The following JARID2 variants were observed in gnomAD, a reference collection of about 807,000 sequenced individuals.
JARID2 encodes jumonji and AT-rich interaction domain containing 2, also known as protein Jumonji.
JARID2 carries 21 observed loss-of-function variants against 125.6 expected under a neutral mutation model. That is an observed-to-expected ratio of 0.17 (90% confidence interval 0.12 to 0.24). The LOEUF is 0.24. JARID2 is among the 10% of genes least tolerant of loss of function. The pLI is 1.00. For synonymous variants in JARID2, 736 were observed against 661.6 expected (o/e 1.11, Z -1.73); for missense variants, 1,303 against 1,639.6 (o/e 0.79, Z 3.55).
intron 9 of JARID2, among the ~76,000 whole-genome samples, chr6:15,505,864 G>T (rs571531316): frequency 6.6e-6 from 1 of 152,376 alleles, no homozygotes; most frequent in African/African-American, 2.4e-5. Flanking sequence ...CGTTGCGTTT[G>T]TGGTAGAGAT....
chr6:15,301,453 G>C, intron 1 of JARID2, among the ~76,000 whole-genome samples: 1 of 151,964 alleles, frequency 6.6e-6, no homozygotes, highest in Non-Finnish European at 1.5e-5. Flanking sequence ...CCTCTCACCC[G>C]GGTTTCATCT....
intron 1 of JARID2, among the ~76,000 whole-genome samples, chr6:15,259,988 G>T (rs1478381180): frequency 1.3e-5 from 2 of 152,118 alleles, no homozygotes; most frequent in Non-Finnish European, 2.9e-5. Flanking sequence ...CAGTGTTTTT[G>T]CTTTTGGTTT....
chr6:15,272,759 G>T (rs1457644236), intron 1 of JARID2, among the ~76,000 whole-genome samples: 1 of 152,160 alleles, frequency 6.6e-6, no homozygotes, highest in African/African-American at 2.4e-5. Flanking sequence ...CACAATCTCT[G>T]TGCCTCAGTT....
At chr6:15,477,194 G>A (rs1769384954) in intron 5 of JARID2, among the ~76,000 whole-genome samples, 1 of 152,042 alleles carries the variant, frequency 6.6e-6, no homozygotes. Context: ...GTTGTGTAAG[G>A]GCCAAAAAGC....
chr6:15,503,278 G>A (rs2282819), intron 8 of JARID2, among the ~76,000 whole-genome samples: 37,781 of 152,158 alleles, frequency 0.25, 5,253 homozygotes, highest in East Asian at 0.43. Flanking sequence ...GCAGAATTCA[G>A]TCCCTCCTTT....
intron 5 of JARID2, among the ~76,000 whole-genome samples, chr6:15,475,174 A>T (rs1769280566): frequency 6.6e-6 from 1 of 152,268 alleles, no homozygotes; most frequent in African/African-American, 2.4e-5. Context: ...ATGGGATTTC[A>T]TTATGAGTAT....
At chr6:15,460,523 C>A (rs1389696754) in intron 4 of JARID2, among the ~76,000 whole-genome samples, 1 of 152,186 alleles carries the variant, frequency 6.6e-6, no homozygotes, top group Admixed American at 6.5e-5. Flanking sequence ...TGGCCAAGCA[C>A]CTTGCTGACT....
chr6:15,422,715 T>C (rs1766553559), intron 3 of JARID2, among the ~76,000 whole-genome samples: 1 of 152,222 alleles, frequency 6.6e-6, no homozygotes, highest in Non-Finnish European at 1.5e-5. Flanking sequence ...GTCTACACAA[T>C]AGATGAAGCT....
At chr6:15,248,903 G>A (rs1392245064) in intron 1 of JARID2, 1 of 985,178 alleles carries the variant, frequency 1.0e-6, no homozygotes, top group Non-Finnish European at 1.2e-6. Context: ...GTGGGAGGAG[G>A]AAGAGGAGGA....
At chr6:15,341,126 C>T (rs1763057019) in intron 1 of JARID2, among the ~76,000 whole-genome samples, 1 of 152,166 alleles carries the variant, frequency 6.6e-6, no homozygotes, top group Non-Finnish European at 1.5e-5. Flanking sequence ...TTCACTGTTA[C>T]ATAAAATTTT....
chr6:15,509,409 C>T, intron 12 of JARID2: 1 of 965,950 alleles, frequency 1.0e-6, no homozygotes, highest in South Asian at 4.8e-5. Flanking sequence ...TCGGCTGCAG[C>T]CTCCTCATTT....
chr6:15,331,584 G>T (rs529465439), intron 1 of JARID2, among the ~76,000 whole-genome samples: 2 of 152,138 alleles, frequency 1.3e-5, no homozygotes, highest in South Asian at 4.1e-4. Flanking sequence ...TACGGTGGGG[G>T]GCCGGGTGCA....
At chr6:15,376,651 G>C (rs1325447468) in intron 2 of JARID2, among the ~76,000 whole-genome samples, 1 of 152,174 alleles carries the variant, frequency 6.6e-6, no homozygotes, top group Admixed American at 6.5e-5. Flanking sequence ...TTGAACCCAG[G>C]AGGTCAAGGC....
chr6:15,440,440 C>G (rs1767398101), intron 3 of JARID2, among the ~76,000 whole-genome samples: 1 of 152,216 alleles, frequency 6.6e-6, no homozygotes, highest in African/African-American at 2.4e-5. Flanking sequence ...CCTCAGGTCC[C>G]TCCCTTTGGT....
intron 1 of JARID2, among the ~76,000 whole-genome samples, chr6:15,272,879 C>T (rs1760350971): frequency 6.6e-6 from 1 of 152,132 alleles, no homozygotes; most frequent in African/African-American, 2.4e-5. Context: ...TTATTCTTGC[C>T]ATAGTCACTA....
intron 1 of JARID2, among the ~76,000 whole-genome samples, chr6:15,262,531 C>CTT (rs1468202248): frequency 7.5e-6 from 1 of 132,856 alleles, no homozygotes; most frequent in African/African-American, 2.8e-5. Flanking sequence ...TATGGTTTGG[C>CTT]TATTTTTTTT....
At chr6:15,462,016 C>T (rs186868097) in intron 4 of JARID2, among the ~76,000 whole-genome samples, 1 of 152,188 alleles carries the variant, frequency 6.6e-6, no homozygotes, top group African/African-American at 2.4e-5. Context: ...AGGGCTGCTT[C>T]CCTATCTCTG....
In JARID2 at chr6:15,521,204, T is replaced by A. The variant is rs1771831799; in HGVS notation, c.*953T>A. The A allele has an allele frequency of 6.5e-6, 1 of 153,960 alleles. No homozygotes were observed. Among genetic ancestry groups the A allele is most frequent in the Admixed American group, 6.5e-5 (1 of 15,452 alleles). The allele number at this position is 153,960 out of a possible 1,614,324, so 9.5% of individuals were successfully genotyped here. ...GTTTGACACCTTCACAAGTCAGCAT[T>A]AATCTTTCTTTTAAAACTTGTTTCA... is the stretch of plus-strand genomic sequence containing the variant. On this transcript the variant is annotated 3_prime_UTR_variant, in exon 18 of 18. Coordinates refer to ENST00000341776, the MANE Select transcript of JARID2 (RefSeq NM_004973.4).
At chr6:15,352,350 CTCTG>C (rs1478940912) in intron 1 of JARID2, among the ~76,000 whole-genome samples, 3 of 152,110 alleles carry the variant, frequency 2.0e-5, no homozygotes, top group Admixed American at 6.6e-5. Flanking sequence ...TTACATTGTC[CTCTG>C]TCTGTAAGCT....
Sources: gnomAD v4.1 joint callset for allele counts (sites outside exome capture counted in the v4.1 genomes callset) on GRCh38, gnomAD v4.1.1 for gene constraint, MANE v1.5 for transcripts, NCBI Gene and HGNC (gene_info 2026-07-23, HGNC 2026-07-21) for gene names.